The following LGI2 variants were observed in gnomAD, a reference collection of about 807,000 sequenced individuals.
The protein encoded by LGI2 is leucine rich repeat LGI family member 2, also known as leucine-rich repeat LGI family member 2.
In LGI2, 30 loss-of-function variants were observed where a neutral mutation model predicts 52.0. The ratio of observed to expected loss-of-function variants is 0.58; its 90% confidence interval spans 0.43 to 0.78. The LOEUF (loss-of-function observed/expected upper bound fraction) is 0.78, where lower values mean the gene tolerates loss of function less well. Among genes scored for constraint, LGI2 ranks in the 30% least tolerant of loss-of-function variants. The probability of loss-of-function intolerance (pLI) is 0.00; values close to 1 mark genes in which losing one functional copy is unlikely to be tolerated. For missense variants in LGI2, 573 were observed against 692.5 expected, an observed-to-expected ratio of 0.83 and a Z score of 1.94; for synonymous variants, 270 against 271.8, an observed-to-expected ratio of 0.99 and a Z score of 0.06.
chr4:24,999,717 G>A lies in LGI2; in HGVS notation c.*3734C>T, dbSNP rs6822065. ...ATTTCCATCATGAGCACTCCTGACC[G>A]CCAAACCTCTGGCATCCCATGCTGA... is the stretch of plus-strand genomic sequence containing the variant. On this transcript the variant is annotated 3_prime_UTR_variant, in exon 8 of 8. Coordinates refer to ENST00000382114, the MANE Select transcript of LGI2 (RefSeq NM_018176.4). 7,182 of 435,602 alleles carry A rather than the reference G, an allele frequency of 0.016. 442 individuals carry two copies. The highest frequency in any genetic ancestry group is 0.13 in the African/African-American group (6,444 of 49,574). 27.0% of individuals were successfully genotyped at this position (435,602 alleles called of 1,614,324 possible).
rs557205731 is a variant in LGI2, at chr4:25,008,015, G to A, written c.821-3747C>T. ...TAGGGCAGTGTCCTTGCCTACCCAC[G>A]TGTGCTATAGGGCTTTCCCTCATGC... On this transcript the variant is annotated intron_variant, in intron 7 of 7. Transcript: ENST00000382114. Among the ~76,000 whole-genome samples, 162 of 152,282 alleles carry A rather than the reference G, an allele frequency of 1.1e-3. 2 individuals carry two copies. The highest frequency in any genetic ancestry group is 2.6e-4 in the Non-Finnish European group (18 of 68,026).
At chr4:25,024,116 T>A (rs756530987) in intron 4 of LGI2, among the ~76,000 whole-genome samples, 1 of 152,170 alleles carries the variant, frequency 6.6e-6, no homozygotes, top group South Asian at 2.1e-4. Context: ...GGTTCCAAAA[T>A]CTGTAAAATG....
intron 4 of LGI2, among the ~76,000 whole-genome samples, chr4:25,020,643 C>T (rs1349498756): frequency 6.6e-6 from 1 of 152,204 alleles, no homozygotes; most frequent in African/African-American, 2.4e-5. Context: ...AATGACCCAT[C>T]CCAGAAGGAT....
chr4:24,997,375 G>C (rs1444237260), downstream of LGI2, among the ~76,000 whole-genome samples: 1 of 152,184 alleles, frequency 6.6e-6, no homozygotes, highest in Non-Finnish European at 1.5e-5. Flanking sequence ...AATGCACTGA[G>C]ATATTAGGAT....
chr4:24,996,693 A>C (rs1485150971), downstream of LGI2, among the ~76,000 whole-genome samples: 1 of 152,186 alleles, frequency 6.6e-6, no homozygotes, highest in African/African-American at 2.4e-5. Flanking sequence ...GCACCACCTT[A>C]AATCTCTTAG....
Position 25,007,283 on chromosome 4 carries a change from C to G in LGI2, c.821-3015G>C, listed in dbSNP as rs151032747. Among the ~76,000 whole-genome samples the G allele has an allele frequency of 9.1e-3, 1,381 of 152,276 alleles. 21 individuals are homozygous for G. The highest frequency in any genetic ancestry group is 0.032 in the African/African-American group (1,317 of 41,554). On this transcript the variant is annotated intron_variant, in intron 7 of 7. Coordinates refer to ENST00000382114, the MANE Select transcript of LGI2 (RefSeq NM_018176.4). ...TTTTGATACCATCTGGCAGTGTTCTCAAGTGTAAGAATTGCTGGGGCAAAT... is the reference window on the plus strand; with the variant it reads ...TTTTGATACCATCTGGCAGTGTTCTGAAGTGTAAGAATTGCTGGGGCAAAT...
At chr4:25,024,356 A>G (rs2109424465) in intron 4 of LGI2, among the ~76,000 whole-genome samples, 1 of 152,326 alleles carries the variant, frequency 6.6e-6, no homozygotes, top group African/African-American at 2.4e-5. Flanking sequence ...TCTACTAAAA[A>G]TACAAAAATT....
chr4:25,018,433 C>T (rs756431214), intron 5 of LGI2, among the ~76,000 whole-genome samples: 2 of 152,196 alleles, frequency 1.3e-5, no homozygotes, highest in Non-Finnish European at 2.9e-5. Flanking sequence ...CAAATGCTCT[C>T]GTCTCCACGC....
At chr4:24,992,582 A>T in the LGI2 span, among the ~76,000 whole-genome samples, 5 of 152,088 alleles carry the variant, frequency 3.3e-5, no homozygotes, top group Non-Finnish European at 7.4e-5. Context: ...AATAAAAAAA[A>T]AATAGCTGGA....
chr4:25,018,404 C>A (rs890824922), intron 5 of LGI2, among the ~76,000 whole-genome samples: 1 of 152,190 alleles, frequency 6.6e-6, no homozygotes, highest in African/African-American at 2.4e-5. Context: ...GAGCTCTCAG[C>A]GAGGACATAT....
chr4:25,020,345 C>T (rs2024340), intron 4 of LGI2, among the ~76,000 whole-genome samples: 34,823 of 152,022 alleles, frequency 0.23, 6,879 homozygotes, highest in African/African-American at 0.53. Context: ...ACTCTTTCTC[C>T]GATGATTCAG....
At position 25,024,822 on chromosome 4, in the gene LGI2, G is replaced by C; in HGVS notation, c.411C>G (p.His137Gln). Reference protein sequence around the residue: ...NAFRGLRDLTHLSLANNHIKA... With the variant: ...NAFRGLRDLTQLSLANNHIKA... ...ACAATACTTTTCATAGGACTTACAG[G>C]TGAGTCAGGTCACGGAGGCCACGAA... is the stretch of plus-strand genomic sequence containing the variant. Residue 137 changes from histidine to glutamine, a missense_variant and splice_region_variant, in exon 4 of 8, where the codon CAC (histidine) becomes CAG (glutamine). His to Gln is a conservative substitution (Grantham distance 24, BLOSUM62 0). Transcript: ENST00000382114. 6.2e-7 allele frequency: 1 copy of C among 1,601,918 alleles called. No individual in the cohort carries two copies. Among genetic ancestry groups the C allele is most frequent in the Non-Finnish European group, 8.5e-7 (1 of 1,174,310 alleles).
chr4:24,994,287 G>C (rs1724990492), downstream of LGI2, among the ~76,000 whole-genome samples: 1 of 152,174 alleles, frequency 6.6e-6, no homozygotes, highest in South Asian at 2.1e-4. Context: ...CCTGGTCTCT[G>C]TGCATAACTT....
At chr4:25,008,272 G>T (rs1725456946) in intron 7 of LGI2, among the ~76,000 whole-genome samples, 1 of 152,268 alleles carries the variant, frequency 6.6e-6, no homozygotes, top group East Asian at 1.9e-4. Context: ...TATAGTATTG[G>T]CCAGGCACGT....
chr4:25,022,549 G>A (rs924005953), intron 4 of LGI2, among the ~76,000 whole-genome samples: 2 of 152,036 alleles, frequency 1.3e-5, no homozygotes, highest in African/African-American at 2.4e-5. Flanking sequence ...GGACTCCCTC[G>A]CTCCCTCTGT....
chr4:25,025,538 G>C (rs904778646), intron 3 of LGI2, among the ~76,000 whole-genome samples: 2 of 152,160 alleles, frequency 1.3e-5, no homozygotes, highest in African/African-American at 4.8e-5. Context: ...AACCCCACAG[G>C]GTTGGCACAT....
At chr4:24,994,302 A>G (rs1724991622), downstream of LGI2, among the ~76,000 whole-genome samples, 1 of 152,204 alleles carries the variant, frequency 6.6e-6, no homozygotes, top group Admixed American at 6.5e-5. Flanking sequence ...TAACTTGCAG[A>G]CAGAGTTAGG....
rs1197557500 is a variant in LGI2 at position 24,999,528 on chromosome 4, C to T, written c.*3923G>A. On this transcript the variant is annotated 3_prime_UTR_variant, in exon 8 of 8. Transcript: ENST00000382114. ...GAAGCTGTTGAACAGAATCTTTGGC[C>T]GCTGCCTAATTAAAGAACTTCCTTC... The T allele has an allele frequency of 2.1e-5, 5 of 235,768 alleles. No homozygotes were observed. The highest frequency in any genetic ancestry group is 1.6e-4 in the Admixed American group (3 of 18,478). 14.6% of individuals were successfully genotyped at this position (235,768 alleles called of 1,614,324 possible).
rs1725254990 is a variant in LGI2 at position 25,001,965 on chromosome 4, C to G, written c.*1486G>C. On this transcript the variant is annotated 3_prime_UTR_variant, in exon 8 of 8. Coordinates refer to ENST00000382114, the MANE Select transcript of LGI2 (RefSeq NM_018176.4). ...AAGTTGTTGGGTTTCTCTTTCAGAGCTACCCCTAAAGGCATTCACTTTATA... is the reference window on the plus strand; with the variant it reads ...AAGTTGTTGGGTTTCTCTTTCAGAGGTACCCCTAAAGGCATTCACTTTATA... 1 of 152,230 alleles carries G rather than the reference C, an allele frequency of 6.6e-6. No individual in the cohort carries two copies. Among genetic ancestry groups the G allele is most frequent in the Admixed American group, 6.5e-5 (1 of 15,282 alleles). The allele number at this position is 152,230 out of a possible 1,614,324, so 9.4% of individuals were successfully genotyped here. A position where few individuals can be genotyped will look rare whatever the true frequency, so the allele number is the denominator to read the frequency against.
Sources: gnomAD v4.1 joint callset for allele counts (sites outside exome capture counted in the v4.1 genomes callset) on GRCh38, gnomAD v4.1.1 for gene constraint, MANE v1.5 for transcripts, NCBI Gene and HGNC (gene_info 2026-07-23, HGNC 2026-07-21) for gene names.